The following UNC5C variants were observed in gnomAD, a reference collection of about 807,000 sequenced individuals.
UNC5C encodes the protein netrin receptor UNC5C.
UNC5C carries 47 observed loss-of-function variants against 99.8 expected under a neutral mutation model. The observed-to-expected ratio is 0.47, with a 90% CI of 0.37 to 0.60. UNC5C has a LOEUF of 0.60. Among genes scored for constraint, UNC5C ranks in the 20% least tolerant of loss-of-function variants. The probability of loss-of-function intolerance (pLI) is 0.00; values close to 1 mark genes in which losing one functional copy is unlikely to be tolerated. For missense variants in UNC5C, 1,062 were observed against 1,165.9 expected (o/e 0.91, Z 1.30); for synonymous variants, 487 against 452.2 (o/e 1.08, Z -0.98).
At chr4:95,343,743 ATAAT>A (rs1246187247) in intron 1 of UNC5C, among the ~76,000 whole-genome samples, 1 of 152,128 alleles carries the variant, frequency 6.6e-6, no homozygotes, top group East Asian at 1.9e-4. Context: ...AGAAATGGAA[ATAAT>A]TAAAAGCAAG....
chr4:95,379,044 A>G (rs2149441166), intron 1 of UNC5C, among the ~76,000 whole-genome samples: 1 of 152,278 alleles, frequency 6.6e-6, no homozygotes, highest in South Asian at 2.1e-4. Context: ...ACTAAGGATA[A>G]CTTATTGGTT....
chr4:95,510,680 T>C (rs889011006), intron 1 of UNC5C, among the ~76,000 whole-genome samples: 4 of 152,048 alleles, frequency 2.6e-5, no homozygotes, highest in African/African-American at 9.7e-5. Flanking sequence ...AACCAGACTT[T>C]CCCAGGCAAG....
rs1159923849 is a variant in UNC5C at position 95,410,119 on chromosome 4, A to G, written c.125-74488T>C. ...ATGTTAGTACCTTACTATGTATTAT[A>G]TAATACTTGTACCCCAGCCTGTAAG... On this transcript the variant is annotated intron_variant, in intron 1 of 15. Transcript: ENST00000453304. Among the ~76,000 whole-genome samples the G allele has an allele frequency of 3.9e-5, 6 of 152,156 alleles. No homozygotes were observed. In the South Asian group the frequency reaches 1.0e-3, roughly 26 times the overall value.
chr4:95,175,875 G>T (rs951227013), intron 14 of UNC5C, among the ~76,000 whole-genome samples: 1 of 151,700 alleles, frequency 6.6e-6, no homozygotes, highest in African/African-American at 2.4e-5. Context: ...TCACTTTCAG[G>T]TACACCAATC....
chr4:95,527,079 G>A (rs1170459200), intron 1 of UNC5C, among the ~76,000 whole-genome samples: 1 of 151,978 alleles, frequency 6.6e-6, no homozygotes, highest in African/African-American at 2.4e-5. Context: ...GTATTTAAAT[G>A]AGTTAATATA....
At chr4:95,483,559 A>G in intron 1 of UNC5C, among the ~76,000 whole-genome samples, 1 of 151,812 alleles carries the variant, frequency 6.6e-6, no homozygotes, top group East Asian at 2.0e-4. Flanking sequence ...CTAAGAATGA[A>G]TTTAGTAAGG....
intron 12 of UNC5C, among the ~76,000 whole-genome samples, chr4:95,197,786 G>A (rs1737490490): frequency 6.6e-6 from 1 of 152,082 alleles, no homozygotes; most frequent in Non-Finnish European, 1.5e-5. Flanking sequence ...ATTTTTCATA[G>A]CAACTCATCA....
chr4:95,334,338 T>C (rs1743243335), intron 2 of UNC5C, among the ~76,000 whole-genome samples: 2 of 152,012 alleles, frequency 1.3e-5, no homozygotes, highest in African/African-American at 4.8e-5. Context: ...ATTTTGAACA[T>C]GTGTATCCAT....
intron 1 of UNC5C, among the ~76,000 whole-genome samples, chr4:95,484,600 C>T (rs1721271436): frequency 6.6e-6 from 1 of 151,828 alleles, no homozygotes; most frequent in Admixed American, 6.6e-5. Context: ...GGTTCAGCCT[C>T]TGTCAGACTG....
intron 1 of UNC5C, among the ~76,000 whole-genome samples, chr4:95,369,183 T>C (rs1198020440): frequency 1.2e-5 from 1 of 86,126 alleles, no homozygotes; most frequent in Non-Finnish European, 2.1e-5. Context: ...ATGTATACTT[T>C]CTGCAATCTC....
intron 1 of UNC5C, among the ~76,000 whole-genome samples, chr4:95,522,439 G>A (rs1722384848): frequency 6.6e-6 from 1 of 152,100 alleles, no homozygotes; most frequent in Non-Finnish European, 1.5e-5. Context: ...AGAGAGACAT[G>A]AGGGAGAGAG....
chr4:95,493,941 C>A (rs72876459), intron 1 of UNC5C, among the ~76,000 whole-genome samples: 10,686 of 151,318 alleles, frequency 0.071, 959 homozygotes, highest in African/African-American at 0.21. Context: ...GCCATTTTTT[C>A]GCTTTTAAAA....
At chr4:95,446,810 G>A (rs868848713) in intron 1 of UNC5C, among the ~76,000 whole-genome samples, 2 of 151,084 alleles carry the variant, frequency 1.3e-5, no homozygotes, top group African/African-American at 4.8e-5. Context: ...CATTTTCTGC[G>A]ATTATCTGGT....
intron 9 of UNC5C, 150 bp downstream of exon 9, chr4:95,218,819 T>C (rs1247268311): frequency 1.4e-6 from 1 of 705,346 alleles, no homozygotes; most frequent in Non-Finnish European, 2.3e-6. Flanking sequence ...TCTGAAGTAA[T>C]GTTCTGTTTA....
chr4:95,516,903 T>G (rs980976362), intron 1 of UNC5C, among the ~76,000 whole-genome samples: 2 of 152,012 alleles, frequency 1.3e-5, no homozygotes, highest in African/African-American at 2.4e-5. Flanking sequence ...CTGTTGTACA[T>G]ACACATGGAG....
intron 4 of UNC5C, among the ~76,000 whole-genome samples, chr4:95,251,506 A>C (rs1739729942): frequency 6.6e-6 from 1 of 152,206 alleles, no homozygotes; most frequent in Admixed American, 6.5e-5. Context: ...TTGCTGAATA[A>C]AAAGAGGAAA....
chr4:95,318,506 G>T (rs1742562290), intron 2 of UNC5C, among the ~76,000 whole-genome samples: 1 of 152,204 alleles, frequency 6.6e-6, no homozygotes, highest in African/African-American at 2.4e-5. Context: ...GCAGAAATCT[G>T]ATAGAGCAAA....
intron 1 of UNC5C, among the ~76,000 whole-genome samples, chr4:95,535,718 T>A (rs777189963): frequency 5.3e-5 from 8 of 152,192 alleles, no homozygotes; most frequent in Non-Finnish European, 1.0e-4. Flanking sequence ...AGGTGTCAGA[T>A]GAATATATTT....
At chr4:95,303,563 C>T (rs767431986) in intron 2 of UNC5C, among the ~76,000 whole-genome samples, 1 of 152,184 alleles carries the variant, frequency 6.6e-6, no homozygotes, top group Admixed American at 6.5e-5. Flanking sequence ...GTAATCCCAG[C>T]TACTCGGGAG....
Sources: allele counts gnomAD v4.1 joint callset (sites outside exome capture counted in the v4.1 genomes callset), GRCh38; gene constraint gnomAD v4.1.1; transcripts MANE v1.5; gene names NCBI Gene and HGNC (gene_info 2026-07-23, HGNC 2026-07-21).